Variants in ARHGAP26 observed in about 807,000 individuals in gnomAD.
ARHGAP26 encodes rho GTPase-activating protein 26.
ARHGAP26 carries 38 observed loss-of-function variants against 104.8 expected under a neutral mutation model. The ratio of observed to expected loss-of-function variants is 0.36; its 90% confidence interval spans 0.28 to 0.48. The LOEUF is 0.48. ARHGAP26 is among the 20% of genes least tolerant of loss of function. The pLI is 0.99. For missense variants in ARHGAP26, 704 were observed against 947.9 expected (o/e 0.74, Z 3.38); for synonymous variants, 341 against 340.0 (o/e 1.00, Z -0.03).
intron 11 of ARHGAP26, among the ~76,000 whole-genome samples, chr5:142,985,554 G>A (rs1439379206): frequency 1.3e-5 from 2 of 151,146 alleles, no homozygotes; most frequent in African/African-American, 2.4e-5. Flanking sequence ...TGTGCACAAC[G>A]TGCAGGTTTG....
At chr5:142,777,325 A>C (rs1182693744) in intron 1 of ARHGAP26, among the ~76,000 whole-genome samples, 1 of 152,222 alleles carries the variant, frequency 6.6e-6, no homozygotes, top group Non-Finnish European at 1.5e-5. Context: ...GATGCCACAC[A>C]GGCTGGACTT....
At chr5:143,097,424 C>T (rs1792525254) in intron 17 of ARHGAP26, among the ~76,000 whole-genome samples, 2 of 151,190 alleles carry the variant, frequency 1.3e-5, no homozygotes, top group Non-Finnish European at 1.5e-5. Flanking sequence ...AGGGAAATTC[C>T]CTGTGAGTAC....
chr5:142,817,565 G>C (rs1384734212), intron 1 of ARHGAP26, among the ~76,000 whole-genome samples: 1 of 152,136 alleles, frequency 6.6e-6, no homozygotes, highest in Non-Finnish European at 1.5e-5. Flanking sequence ...TGGGTCTGGG[G>C]TCGGGCCTCG....
At chr5:142,824,134 G>A (rs1766743991) in intron 1 of ARHGAP26, among the ~76,000 whole-genome samples, 1 of 152,154 alleles carries the variant, frequency 6.6e-6, no homozygotes, top group Non-Finnish European at 1.5e-5. Context: ...AGTATGTTGT[G>A]TGTATGTGTG....
chr5:142,896,528 A>AT (rs1759498498), intron 6 of ARHGAP26, among the ~76,000 whole-genome samples: 1 of 152,202 alleles, frequency 6.6e-6, no homozygotes, highest in Admixed American at 6.5e-5. Flanking sequence ...GCTCAGCTGG[A>AT]TAGCTTTGCT....
intron 11 of ARHGAP26, among the ~76,000 whole-genome samples, chr5:143,002,160 G>A (rs1777270811): frequency 6.6e-6 from 1 of 152,132 alleles, no homozygotes; most frequent in Non-Finnish European, 1.5e-5. Flanking sequence ...AGAAGGGACT[G>A]GAGGTTGAAA....
intron 1 of ARHGAP26, among the ~76,000 whole-genome samples, chr5:142,816,033 A>G (rs1182589614): frequency 6.6e-6 from 1 of 151,962 alleles, no homozygotes; most frequent in Non-Finnish European, 1.5e-5. Context: ...CCTGGGCTGA[A>G]GCCGTCCACC....
chr5:142,786,322 G>A (rs1471700286), intron 1 of ARHGAP26, among the ~76,000 whole-genome samples: 2 of 151,596 alleles, frequency 1.3e-5, no homozygotes, highest in South Asian at 2.1e-4. Context: ...TAAGAGTTGG[G>A]GTCTTCCTTT....
chr5:142,808,788 C>G (rs1763525736), intron 1 of ARHGAP26, among the ~76,000 whole-genome samples: 1 of 152,094 alleles, frequency 6.6e-6, no homozygotes. Context: ...GAAAGAAACC[C>G]CTTCTATCAC....
intron 3 of ARHGAP26, 93 bp downstream of exon 3, chr5:142,875,264 ACT>A: frequency 8.0e-7 from 1 of 1,253,136 alleles, no homozygotes; most frequent in South Asian, 1.2e-5. Context: ...TCAAATCCAG[ACT>A]CTGCCATTTG....
chr5:143,219,742 G>A (rs1810893937), intron 22 of ARHGAP26, among the ~76,000 whole-genome samples: 1 of 152,216 alleles, frequency 6.6e-6, no homozygotes, highest in African/African-American at 2.4e-5. Context: ...AACTTCCTGT[G>A]AGCTAGTGAA....
At chr5:142,943,715 T>G (rs1766712074) in intron 11 of ARHGAP26, among the ~76,000 whole-genome samples, 1 of 152,232 alleles carries the variant, frequency 6.6e-6, no homozygotes, top group Admixed American at 6.5e-5. Context: ...TTATCAGTTC[T>G]AAATATAGCA....
intron 20 of ARHGAP26, among the ~76,000 whole-genome samples, chr5:143,177,408 T>C (rs1055449211): frequency 6.6e-6 from 1 of 152,170 alleles, no homozygotes; most frequent in Non-Finnish European, 1.5e-5. Flanking sequence ...TGCTCCCCAG[T>C]GAAAACAGGA....
chr5:142,864,889 G>A (rs543733176), intron 1 of ARHGAP26, among the ~76,000 whole-genome samples: 1 of 152,348 alleles, frequency 6.6e-6, no homozygotes, highest in African/African-American at 2.4e-5. Flanking sequence ...TGATGTTTGC[G>A]CAGCCAATGC....
chr5:142,949,214 AGAGAGAG>A (rs1767850305), intron 11 of ARHGAP26, among the ~76,000 whole-genome samples: 1 of 63,156 alleles, frequency 1.6e-5, no homozygotes, highest in African/African-American at 1.3e-4. Context: ...AGAGAGAGAG[AGAGAGAG>A]GAGAGAGAGA....
chr5:143,096,951 G>T (rs1792412126), intron 17 of ARHGAP26, among the ~76,000 whole-genome samples: 1 of 152,198 alleles, frequency 6.6e-6, no homozygotes, highest in Non-Finnish European at 1.5e-5. Flanking sequence ...CCTCTTAAAA[G>T]AAGCATGTCT....
At chr5:142,980,538 A>G (rs2152727940) in intron 11 of ARHGAP26, among the ~76,000 whole-genome samples, 1 of 151,882 alleles carries the variant, frequency 6.6e-6, no homozygotes, top group East Asian at 1.9e-4. Context: ...ACAGGTGCCC[A>G]CCACCACACC....
chr5:143,189,167 C>T (rs766312313), intron 20 of ARHGAP26, among the ~76,000 whole-genome samples: 1 of 152,216 alleles, frequency 6.6e-6, no homozygotes, highest in Non-Finnish European at 1.5e-5. Context: ...CTTCTTTCCA[C>T]AGTTCTTTCA....
intron 13 of ARHGAP26, chr5:143,041,607 T>C: frequency 1.8e-6 from 1 of 564,194 alleles, no homozygotes; most frequent in Non-Finnish European, 3.3e-6. Context: ...GGCTGAAGTG[T>C]GCAGCACATC....
Sources: allele counts gnomAD v4.1 joint callset (sites outside exome capture counted in the v4.1 genomes callset), GRCh38; gene constraint gnomAD v4.1.1; transcripts MANE v1.5; gene names NCBI Gene and HGNC (gene_info 2026-07-23, HGNC 2026-07-21).